TMEM240: variants seen among roughly 807,000 people sequenced by gnomAD.
TMEM240 encodes transmembrane protein C1orf70.
TMEM240 carries 3 observed loss-of-function variants against 19.5 expected under a neutral mutation model. The ratio of observed to expected loss-of-function variants is 0.15; its 90% confidence interval spans 0.07 to 0.40. TMEM240 has a LOEUF of 0.40. Among genes scored for constraint, TMEM240 ranks in the 10% least tolerant of loss-of-function variants. The pLI, the probability that TMEM240 is intolerant of heterozygous loss-of-function variation, is 1.00. For missense variants in TMEM240, 210 were observed against 253.5 expected (o/e 0.83, Z 1.17); for synonymous variants, 123 against 109.3 (o/e 1.13, Z -0.78).
Position 1,540,329 on chromosome 1 carries a change from G to C in TMEM240, c.18C>G (p.Asn6Lys). The C allele has an allele frequency of 1.5e-6, 2 of 1,302,018 alleles. No individual in the cohort carries two copies. The highest frequency in any genetic ancestry group is 2.0e-6 in the Non-Finnish European group (2 of 1,015,400). The allele number at this position is 1,302,018 out of a possible 1,614,324, so 80.7% of individuals were successfully genotyped here. A position where few individuals can be genotyped will look rare whatever the true frequency, so the allele number is the denominator to read the frequency against. Residue 6 changes from asparagine to lysine, a missense_variant, in exon 1 of 4, where the codon AAC (asparagine) becomes AAG (lysine). Coordinates refer to ENST00000378733, the MANE Select transcript of TMEM240 (RefSeq NM_001114748.2). ...CCCCCAGAATCATGAAGATCATGGT[G>C]TTCGCGCTCATGGACATCGGGCGGG... is the stretch of plus-strand genomic sequence containing the variant. Reference protein sequence around the residue: MSMSANTMIFMILGAS... With the variant: MSMSAKTMIFMILGAS...
In TMEM240 at chr1:1,535,135, G is replaced by T; in HGVS notation, c.*224C>A. 3.1e-6 allele frequency: 1 copy of T among 326,082 alleles called. No homozygotes were observed. Among genetic ancestry groups the T allele is most frequent in the Non-Finnish European group, 5.5e-6 (1 of 181,000 alleles). 20.2% of individuals were successfully genotyped at this position (326,082 alleles called of 1,614,324 possible). A position where few individuals can be genotyped will look rare whatever the true frequency, so the allele number is the denominator to read the frequency against. On this transcript the variant is annotated 3_prime_UTR_variant, in exon 4 of 4. Coordinates refer to ENST00000378733, the MANE Select transcript of TMEM240 (RefSeq NM_001114748.2). The surrounding 1 kb of genome is among the most constrained non-coding windows in gnomAD (Gnocchi z 8.2). ...CGCCCTTGTGTCCTGCCCCCCAACT[G>T]CAGGGTCTCCCCTAACCCAACCCCC...
At chr1:1,538,697 C>A (rs148280730) in intron 2 of TMEM240, among the ~76,000 whole-genome samples, 2 of 152,372 alleles carry the variant, frequency 1.3e-5, no homozygotes, top group East Asian at 3.8e-4. Flanking sequence ...CCTTCTCTAA[C>A]ACCCGTGTTC....
At position 1,535,928 on chromosome 1, in the gene TMEM240, GCGGGCGGGTC is replaced by G; in HGVS notation, c.165-141_165-132del. ...GGGGTTCTCTGAAGCAGCCTCTTGGGCGGGCGGGTCGGGAAGGGGGCACCAGACTCAACGA... is the reference window on the plus strand; with the variant it reads ...GGGGTTCTCTGAAGCAGCCTCTTGGGGGGAAGGGGGCACCAGACTCAACGA... On this transcript the variant is annotated intron_variant, in intron 2 of 3. Coordinates refer to ENST00000378733, the MANE Select transcript of TMEM240 (RefSeq NM_001114748.2). This position sits in a 1 kb window ranked among gnomAD's most constrained non-coding sequence, Gnocchi z 8.2. 2.2e-5 allele frequency: 14 copies of G among 648,430 alleles called. No homozygotes were observed. Among genetic ancestry groups the G allele is most frequent in the East Asian group, 5.9e-5 (2 of 34,078 alleles). 40.2% of individuals were successfully genotyped at this position (648,430 alleles called of 1,614,324 possible).
intron 1 of TMEM240, 23 bp downstream of exon 1, chr1:1,540,267 G>T: frequency 7.6e-7 from 1 of 1,312,012 alleles, no homozygotes; most frequent in Non-Finnish European, 9.7e-7. Context: ...CAGGGGGCGC[G>T]CGCGGGAAGC....
At position 1,535,119 on chromosome 1, in the gene TMEM240, G is replaced by A; in HGVS notation, c.*240C>T. ...CCGCTGGGGATGAGTCCGCCCTTGTGTCCTGCCCCCCAACTGCAGGGTCTC... is the reference window on the plus strand; with the variant it reads ...CCGCTGGGGATGAGTCCGCCCTTGTATCCTGCCCCCCAACTGCAGGGTCTC... On this transcript the variant is annotated 3_prime_UTR_variant, in exon 4 of 4. Transcript: ENST00000378733. This position sits in a 1 kb window ranked among gnomAD's most constrained non-coding sequence, Gnocchi z 8.2. 1 of 423,866 alleles carries A rather than the reference G, an allele frequency of 2.4e-6. No individual in the cohort carries two copies. Among genetic ancestry groups the A allele is most frequent in the Non-Finnish European group, 4.2e-6 (1 of 237,838 alleles). 26.3% of individuals were successfully genotyped at this position (423,866 alleles called of 1,614,324 possible).
rs1642209135 is a variant in TMEM240 at position 1,535,784 on chromosome 1, A to G, written c.178T>C (p.Tyr60His). 2.6e-6 allele frequency: 4 copies of G among 1,549,688 alleles called. No individual in the cohort carries two copies. Among genetic ancestry groups the G allele is most frequent in the Admixed American group, 2.0e-5 (1 of 50,954 alleles). ...TGGTCCCCGTCGTACGGGATCACGT[A>G]GTGGATATGGTGCCTGGGGGCGGCA... ...HCNCGRHHIH[Y>H]VIPYDGDQSV... The change falls in exon 3 of 4, where the codon TAC (tyrosine) becomes CAC (histidine). Residue 60 changes from tyrosine (Y) to histidine (H), a missense_variant. This residue lies in a region of TMEM240 where 157 missense variants were observed against 168.2 expected (regional missense o/e 0.93). Transcript: ENST00000378733. The surrounding 1 kb of genome is among the most constrained non-coding windows in gnomAD (Gnocchi z 8.2).
rs576616706 is a variant in TMEM240 at position 1,540,196 on chromosome 1, G to A, written c.57+94C>T. 3 of 803,524 alleles carry A rather than the reference G, an allele frequency of 3.7e-6. No individual in the cohort carries two copies. In the South Asian group the frequency reaches 1.4e-4, roughly 36 times the overall value. The allele number at this position is 803,524 out of a possible 1,614,324, so 49.8% of individuals were successfully genotyped here. On this transcript the variant is annotated intron_variant, in intron 1 of 3. Transcript: ENST00000378733. ...AGCGCAGGCCGGGGAGGGGAGCGCA[G>A]GCCGCACGGGCGGTAAACAAGGCGC...
chr1:1,537,738 C>T (rs1188221383), intron 2 of TMEM240, among the ~76,000 whole-genome samples: 3 of 152,202 alleles, frequency 2.0e-5, no homozygotes, highest in Non-Finnish European at 4.4e-5. Flanking sequence ...CGGGACATGG[C>T]GTGATACTGT....
rs570168497 is a variant in TMEM240 at position 1,537,230 on chromosome 1, T to C, written c.165-1433A>G. Among the ~76,000 whole-genome samples, 73 of 151,698 alleles carry C rather than the reference T, an allele frequency of 4.8e-4. 1 individual carries two copies. Among genetic ancestry groups the C allele is most frequent in the African/African-American group, 1.7e-3 (69 of 41,286 alleles). On this transcript the variant is annotated intron_variant, in intron 2 of 3. Coordinates refer to ENST00000378733, the MANE Select transcript of TMEM240 (RefSeq NM_001114748.2). ...TTCCCGGAGGTCAGTCCCCTCAGCA[T>C]ATCCGGAAAGTGGCCGCTTTCAGTG...
At chr1:1,537,411 G>A (rs1441546700) in intron 2 of TMEM240, among the ~76,000 whole-genome samples, 2 of 152,064 alleles carry the variant, frequency 1.3e-5, no homozygotes, top group African/African-American at 4.8e-5. Context: ...GCCCTCAGGG[G>A]AGGAAGCTGT....
In TMEM240 at chr1:1,539,708, C is replaced by T; in HGVS notation, c.140G>A (p.Arg47His). 6.5e-7 allele frequency: 1 copy of T among 1,548,080 alleles called. No homozygotes were observed. Among genetic ancestry groups the T allele is most frequent in the Non-Finnish European group, 8.7e-7 (1 of 1,146,528 alleles). Residue 47 changes from arginine (R) to histidine (H), a missense_variant, in exon 2 of 4, where the codon CGC becomes CAC. Transcript: ENST00000378733. The part of the protein sequence containing the change: ...YILPHLRGED[R>H]VCHCNCGRHH... ...CCGGCCACAGTTGCAGTGGCAGACG[C>T]GGTCCTCGCCCCGCAGGTGCGGGAG...
At chr1:1,539,512 C>G in intron 2 of TMEM240, 172 bp downstream of exon 2, 1 of 620,704 alleles carries the variant, frequency 1.6e-6, no homozygotes, top group Admixed American at 2.8e-5. Context: ...GCCATGCGCC[C>G]CCAGGAGACC....
In TMEM240 at chr1:1,535,660, C is replaced by G; in HGVS notation, c.302G>C (p.Ser101Thr). ...GCCGTCCATCCACACCAGGAACCAG[C>G]TGATGCAAAAGCCCAGCAGCAGCCC... ...MLGLLLGFCISWFLVWMDGVL... is the reference protein window; with the variant it reads ...MLGLLLGFCITWFLVWMDGVL... The change falls in exon 3 of 4, where the codon AGC becomes ACC. Residue 101 changes from serine to threonine, a missense_variant. Physicochemically the swap from Ser to Thr is moderately conservative, Grantham distance 58. This residue lies in a region of TMEM240 where 157 missense variants were observed against 168.2 expected (regional missense o/e 0.93). Coordinates refer to ENST00000378733, the MANE Select transcript of TMEM240 (RefSeq NM_001114748.2). The surrounding 1 kb of genome is among the most constrained non-coding windows in gnomAD (Gnocchi z 8.2). 1 of 1,550,144 alleles carries G rather than the reference C, an allele frequency of 6.5e-7. No homozygotes were observed. The highest frequency in any genetic ancestry group is 8.7e-7 in the Non-Finnish European group (1 of 1,146,672).
At chr1:1,539,354 C>T in intron 2 of TMEM240, 1 of 350,058 alleles carries the variant, frequency 2.9e-6, no homozygotes, top group East Asian at 8.2e-5. Context: ...CCAGCAGGCG[C>T]TTCCTGCCCC....
chr1:1,540,136 G>T (rs1304327291), intron 1 of TMEM240, among the ~76,000 whole-genome samples, 154 bp downstream of exon 1: 1 of 90,706 alleles, frequency 1.1e-5, no homozygotes, highest in African/African-American at 4.3e-5. Context: ...GTGGGGGAGC[G>T]CAGGCCGGGG....
chr1:1,539,865 C>G, intron 1 of TMEM240, 75 bp from the exon 2 acceptor site: 123 of 449,288 alleles, frequency 2.7e-4, no homozygotes, highest in Non-Finnish European at 3.7e-4. Flanking sequence ...GAGCGCAGGC[C>G]GGGGTCGGGG....
intron 1 of TMEM240, 109 bp from the exon 2 acceptor site, chr1:1,539,899 G>T: frequency 1.1e-6 from 1 of 902,910 alleles, no homozygotes; most frequent in Non-Finnish European, 1.7e-6. Context: ...GAGCGAGAGC[G>T]CAGGCCGGGG....
chr1:1,537,914 C>G (rs1642247390), intron 2 of TMEM240, among the ~76,000 whole-genome samples: 6 of 152,222 alleles, frequency 3.9e-5, no homozygotes, highest in Admixed American at 3.9e-4. Context: ...GACTTTGGAG[C>G]ATTGATTTCC....
At position 1,534,916 on chromosome 1, in the gene TMEM240, C is replaced by CT. The variant is rs35555980; in HGVS notation, c.*442_*443insA. Among the ~76,000 whole-genome samples, 6,091 of 151,644 alleles carry CT rather than the reference C, an allele frequency of 0.04. 260 individuals are homozygous for CT. The highest frequency in any genetic ancestry group is 0.11 in the African/African-American group (4,577 of 41,090). ...CTGTGGCTGTGCACACGCGGGTGCT[C>CT]CCCTCGCCCCCCTCCCCTCCGCCCA... On this transcript the variant is annotated 3_prime_UTR_variant, in exon 4 of 4. Coordinates refer to ENST00000378733, the MANE Select transcript of TMEM240 (RefSeq NM_001114748.2).
Sources: gnomAD v4.1 joint callset for allele counts (sites outside exome capture counted in the v4.1 genomes callset) on GRCh38, gnomAD v4.1.1 for gene constraint, gnomAD v4.1.1 regional missense constraint, Gnocchi (gnomAD v3.1) non-coding constraint, MANE v1.5 for transcripts, NCBI Gene and HGNC (gene_info 2026-07-23, HGNC 2026-07-21) for gene names.